UBASH3B: variants seen among roughly 807,000 people sequenced by gnomAD.
UBASH3B encodes ubiquitin-associated and SH3 domain-containing protein B.
UBASH3B carries 37 observed loss-of-function variants against 83.4 expected under a neutral mutation model. The ratio of observed to expected loss-of-function variants is 0.44; its 90% CI spans 0.34 to 0.58. UBASH3B has a LOEUF of 0.58. Ranked by LOEUF, UBASH3B falls within the 20% of genes least tolerant of loss-of-function variation. The pLI, the probability that UBASH3B is intolerant of heterozygous loss-of-function variation, is 0.01. For missense variants in UBASH3B, 657 were observed against 827.2 expected (o/e 0.79, Z 2.52); for synonymous variants, 304 against 318.3 (o/e 0.96, Z 0.48).
At chr11:122,787,483 C>T (rs1269464793) in intron 5 of UBASH3B, among the ~76,000 whole-genome samples, 1 of 152,322 alleles carries the variant, frequency 6.6e-6, no homozygotes. Flanking sequence ...CACAATCACT[C>T]TCATCCTCTG....
chr11:122,704,074 G>T (rs1864083927), intron 1 of UBASH3B, among the ~76,000 whole-genome samples: 1 of 152,182 alleles, frequency 6.6e-6, no homozygotes, highest in African/African-American at 2.4e-5. Flanking sequence ...TGGGGCTTTT[G>T]TAGACCAAAG....
In UBASH3B at chr11:122,795,085, G is replaced by A. The variant is rs561613450; in HGVS notation, c.1113+251G>A. ...GTTGTTCCACAGAGATAGGAGGAGA[G>A]TTTATCTCTAAAGTAGGAATAATGC... On this transcript the variant is annotated intron_variant, in intron 7 of 13. Transcript: ENST00000284273. Among the ~76,000 whole-genome samples the A allele has an allele frequency of 2.6e-5, 4 of 152,308 alleles. No homozygotes were observed. The East Asian group carries it at 5.8e-4, about 22-fold the overall frequency.
intron 5 of UBASH3B, among the ~76,000 whole-genome samples, chr11:122,785,329 T>G (rs1216935402): frequency 3.9e-5 from 6 of 152,240 alleles, no homozygotes. Context: ...CTGAGCCGTC[T>G]GCACACGTAA....
In UBASH3B at chr11:122,780,766, AGAG is replaced by A. The variant is rs563687610; in HGVS notation, c.601+1074_601+1076del. ...CAGGCAGGCATGAGATGGTGTGAGC[AGAG>A]GACAGTGGGGAGGCTGCCCTGACCA... is the stretch of plus-strand genomic sequence containing the variant. On this transcript the variant is annotated intron_variant, in intron 4 of 13. Transcript: ENST00000284273. 1.8e-3 allele frequency among the ~76,000 whole-genome samples: 276 copies of A among 152,350 alleles called. 3 individuals are homozygous for A. Among genetic ancestry groups the A allele is most frequent in the African/African-American group, 6.5e-3 (270 of 41,582 alleles).
intron 12 of UBASH3B, 108 bp from the exon 13 acceptor site, chr11:122,807,959 C>G: frequency 2.4e-6 from 2 of 824,936 alleles, no homozygotes; most frequent in Non-Finnish European, 4.3e-6. Context: ...AAATTGTCTT[C>G]TTGAGTGTGT....
In UBASH3B at chr11:122,801,210, G is replaced by C. The variant is rs1459573637; in HGVS notation, c.1473G>C (p.Leu491Phe). The change falls in exon 11 of 14, where the codon TTG (leucine) becomes TTC (phenylalanine). Residue 491 changes from leucine to phenylalanine, a missense_variant. Leu to Phe is a conservative substitution (Grantham distance 22, BLOSUM62 0). Around this residue, in one of 3 missense-constraint regions of UBASH3B, gnomAD observed 573 missense variants for 739.0 expected, o/e 0.78. Transcript: ENST00000284273. The part of the protein sequence containing the change: ...ILKGLQQENH[L>F]KIRVEPGLFE... Reference sequence around the variant, plus strand: ...AAGGTTTACAACAAGAAAATCACTTGAAGATCCGTGTAGAGCCCGGCTTAT... The same window carrying C: ...AAGGTTTACAACAAGAAAATCACTTCAAGATCCGTGTAGAGCCCGGCTTAT... 1 of 1,614,048 alleles carries C rather than the reference G, an allele frequency of 6.2e-7. No individual in the cohort carries two copies. Among genetic ancestry groups the C allele is most frequent in the African/African-American group, 1.3e-5 (1 of 74,932 alleles).
At chr11:122,716,387 C>G (rs1024656318) in intron 1 of UBASH3B, among the ~76,000 whole-genome samples, 1 of 152,184 alleles carries the variant, frequency 6.6e-6, no homozygotes, top group Non-Finnish European at 1.5e-5. Flanking sequence ...GTTGCCCAGG[C>G]TGGGTTATTT....
chr11:122,655,968 C>T lies in UBASH3B; in HGVS notation c.-82C>T. 3 of 1,329,874 alleles carry T rather than the reference C, an allele frequency of 2.3e-6. No individual in the cohort carries two copies. The highest frequency in any genetic ancestry group is 2.9e-6 in the Non-Finnish European group (3 of 1,019,942). 82.4% of individuals were successfully genotyped at this position (1,329,874 alleles called of 1,614,324 possible). On this transcript the variant is annotated 5_prime_UTR_variant, in exon 1 of 14. Transcript: ENST00000284273. ...CTGGCTCTGGGTCCCCGAGCCCCCT[C>T]CCCTGGCCCAGCCCGACTCCCTCCT...
At chr11:122,664,920 T>C (rs1184230105) in intron 1 of UBASH3B, among the ~76,000 whole-genome samples, 1 of 152,208 alleles carries the variant, frequency 6.6e-6, no homozygotes, top group Non-Finnish European at 1.5e-5. Flanking sequence ...AGGCCTGCCT[T>C]TTTTTTGAGA....
intron 1 of UBASH3B, 56 bp from the exon 2 acceptor site, chr11:122,776,163 C>A (rs919637747): frequency 1.7e-5 from 27 of 1,552,688 alleles, no homozygotes; most frequent in Non-Finnish European, 2.3e-5. Context: ...GCTCTTGCCA[C>A]TGCAGGGAGA....
intron 1 of UBASH3B, among the ~76,000 whole-genome samples, chr11:122,693,160 T>C (rs1177052147): frequency 2.6e-5 from 4 of 152,044 alleles, no homozygotes; most frequent in Non-Finnish European, 5.9e-5. Flanking sequence ...CAAAGAACCT[T>C]CTTAAGGGTG....
At chr11:122,699,531 C>CTTTCTTTCTTTCTTTCTTTCTT (rs200613782) in intron 1 of UBASH3B, among the ~76,000 whole-genome samples, 5 of 107,866 alleles carry the variant, frequency 4.6e-5, no homozygotes, top group East Asian at 3.1e-4. Flanking sequence ...TTCTTTCTTT[C>CTTTCTTTCTTTCTTTCTTTCTT]TCTTTCTTTC....
At chr11:122,687,827 T>C (rs1479942738) in intron 1 of UBASH3B, among the ~76,000 whole-genome samples, 3 of 152,114 alleles carry the variant, frequency 2.0e-5, no homozygotes, top group African/African-American at 2.4e-5. Flanking sequence ...ATGAGAGAAT[T>C]TGCCAAGTCA....
At chr11:122,688,934 G>A (rs976506304) in intron 1 of UBASH3B, among the ~76,000 whole-genome samples, 7 of 150,516 alleles carry the variant, frequency 4.7e-5, no homozygotes, top group South Asian at 2.1e-4. Context: ...GTGAGCCACC[G>A]CGCCCGGCTA....
chr11:122,680,277 C>T (rs1187835122), intron 1 of UBASH3B, among the ~76,000 whole-genome samples: 3 of 152,200 alleles, frequency 2.0e-5, no homozygotes, highest in Non-Finnish European at 4.4e-5. Context: ...ATAAAACCTC[C>T]TGAACTATAT....
intron 1 of UBASH3B, among the ~76,000 whole-genome samples, chr11:122,701,604 T>A (rs1270253826): frequency 6.6e-6 from 1 of 152,172 alleles, no homozygotes; most frequent in Non-Finnish European, 1.5e-5. Context: ...GGGTCCTCGC[T>A]TGCATTGGCA....
At chr11:122,680,232 T>C (rs563634016) in intron 1 of UBASH3B, among the ~76,000 whole-genome samples, 33 of 152,232 alleles carry the variant, frequency 2.2e-4, no homozygotes, top group Non-Finnish European at 2.2e-4. Flanking sequence ...GTTTGCTGGC[T>C]CTTGATCTGT....
intron 1 of UBASH3B, among the ~76,000 whole-genome samples, chr11:122,717,847 A>T (rs1565539863): frequency 6.6e-6 from 1 of 150,776 alleles, no homozygotes; most frequent in Non-Finnish European, 1.5e-5. Flanking sequence ...ACACTAGGCC[A>T]GTCCTTGCCT....
chr11:122,715,340 T>C (rs2135939641), intron 1 of UBASH3B, among the ~76,000 whole-genome samples: 1 of 152,364 alleles, frequency 6.6e-6, no homozygotes, highest in Non-Finnish European at 1.5e-5. Context: ...TGGGACTTCA[T>C]GGTCTGGACA....
Sources: allele counts gnomAD v4.1 joint callset (sites outside exome capture counted in the v4.1 genomes callset), GRCh38; gene constraint gnomAD v4.1.1; regional missense constraint gnomAD v4.1.1; transcripts MANE v1.5; gene names NCBI Gene and HGNC (gene_info 2026-07-23, HGNC 2026-07-21).